Variants in NEGR1 observed in about 807,000 individuals in gnomAD.
NEGR1 encodes IgLON family member 4.
In NEGR1, 10 loss-of-function variants were observed where a neutral mutation model predicts 40.9. That is an observed-to-expected ratio of 0.24 (90% CI 0.15 to 0.42). The LOEUF is 0.42. Ranked by LOEUF, NEGR1 falls within the 10% of genes least tolerant of loss-of-function variation. NEGR1 has a pLI of 1.00. For synonymous variants in NEGR1, 185 were observed against 166.8 expected (o/e 1.11, Z -0.84); for missense variants, 352 against 438.9 (o/e 0.80, Z 1.77).
chr1:72,036,955 A>T (rs755059895), intron 1 of NEGR1, among the ~76,000 whole-genome samples: 6 of 152,120 alleles, frequency 3.9e-5, no homozygotes, highest in Admixed American at 1.3e-4. Flanking sequence ...AAAATGGATG[A>T]TGTAAATCCT....
chr1:71,976,797 T>C (rs1464297721), intron 1 of NEGR1, among the ~76,000 whole-genome samples: 1 of 152,204 alleles, frequency 6.6e-6, no homozygotes, highest in Non-Finnish European at 1.5e-5. Context: ...ATAGATATGT[T>C]TTGAGTGAAA....
At chr1:71,913,744 A>G (rs1661488693) in intron 2 of NEGR1, among the ~76,000 whole-genome samples, 1 of 152,134 alleles carries the variant, frequency 6.6e-6, no homozygotes, top group Admixed American at 6.6e-5. Context: ...GATGGCACAT[A>G]GACACAAAAG....
chr1:72,188,494 A>G (rs17092435), intron 1 of NEGR1, among the ~76,000 whole-genome samples: 2,564 of 151,578 alleles, frequency 0.017, 85 homozygotes, highest in African/African-American at 0.059. Flanking sequence ...TACTTTTAAA[A>G]ATGTGTTTTC....
chr1:71,655,328 T>C (rs1485972276), intron 4 of NEGR1, among the ~76,000 whole-genome samples: 3 of 152,192 alleles, frequency 2.0e-5, no homozygotes, highest in Non-Finnish European at 4.4e-5. Flanking sequence ...TCAAACCACA[T>C]GTATGAAATA....
intron 6 of NEGR1, among the ~76,000 whole-genome samples, chr1:71,591,582 T>C (rs1375031480): frequency 1.3e-5 from 2 of 152,152 alleles, no homozygotes; most frequent in Admixed American, 6.6e-5. Context: ...CACTGCTTTA[T>C]AATATTTTCA....
chr1:71,770,483 A>C (rs1227549058), intron 3 of NEGR1, among the ~76,000 whole-genome samples: 2 of 152,232 alleles, frequency 1.3e-5, no homozygotes, highest in African/African-American at 4.8e-5. Flanking sequence ...ACATTTTTAA[A>C]GCAAAATGTA....
At chr1:71,843,291 A>G (rs1476461671) in intron 2 of NEGR1, among the ~76,000 whole-genome samples, 2 of 152,148 alleles carry the variant, frequency 1.3e-5, no homozygotes, top group Non-Finnish European at 2.9e-5. Flanking sequence ...AGATAAATAG[A>G]CTTAGCTATG....
intron 2 of NEGR1, among the ~76,000 whole-genome samples, chr1:71,809,970 T>C (rs988120331): frequency 1.3e-5 from 2 of 152,110 alleles, no homozygotes; most frequent in African/African-American, 4.8e-5. Flanking sequence ...ATGGTAATTG[T>C]CTCTTAAAAG....
chr1:71,880,920 T>C (rs1050282445), intron 2 of NEGR1, among the ~76,000 whole-genome samples: 1 of 152,212 alleles, frequency 6.6e-6, no homozygotes, highest in African/African-American at 2.4e-5. Flanking sequence ...AATTTGGCTT[T>C]TTGAAGTTTC....
chr1:71,417,190 C>A (rs1461411411), intron 6 of NEGR1, among the ~76,000 whole-genome samples: 1 of 152,178 alleles, frequency 6.6e-6, no homozygotes. Flanking sequence ...CTCTCATGTG[C>A]ATCTTCTTCT....
chr1:71,693,784 G>A (rs964048104), intron 4 of NEGR1, among the ~76,000 whole-genome samples: 2 of 151,474 alleles, frequency 1.3e-5, no homozygotes, highest in African/African-American at 4.8e-5. Flanking sequence ...AGAACAGATG[G>A]CCTCTGTCAC....
chr1:71,580,424 T>C (rs992908905), intron 6 of NEGR1, among the ~76,000 whole-genome samples: 7 of 151,978 alleles, frequency 4.6e-5, no homozygotes, highest in African/African-American at 1.7e-4. Context: ...ATCCTGCACA[T>C]TGTGCACATG....
intron 3 of NEGR1, among the ~76,000 whole-genome samples, chr1:71,722,678 G>C (rs184624762): frequency 6.6e-6 from 1 of 152,042 alleles, no homozygotes; most frequent in African/African-American, 2.4e-5. Context: ...CAAAATATAG[G>C]AACTATTGTG....
chr1:72,233,375 G>A (rs1228827802), intron 1 of NEGR1, among the ~76,000 whole-genome samples: 2 of 152,000 alleles, frequency 1.3e-5, no homozygotes, highest in African/African-American at 4.8e-5. Context: ...TGAGGTTTTG[G>A]GTGTGAATGA....
intron 1 of NEGR1, among the ~76,000 whole-genome samples, chr1:71,999,489 G>A (rs1207538012): frequency 6.6e-6 from 1 of 150,748 alleles, no homozygotes. Context: ...ATGGATCTAT[G>A]CATCAGAACT....
At chr1:72,068,213 C>T (rs1039325608) in intron 1 of NEGR1, among the ~76,000 whole-genome samples, 3 of 152,138 alleles carry the variant, frequency 2.0e-5, no homozygotes, top group African/African-American at 4.8e-5. Context: ...TATTCAATCA[C>T]AGGTGGAACC....
At chr1:72,245,622 G>C (rs1654877990) in intron 1 of NEGR1, among the ~76,000 whole-genome samples, 1 of 151,994 alleles carries the variant, frequency 6.6e-6, no homozygotes, top group Non-Finnish European at 1.5e-5. Context: ...TTGGCTGTAA[G>C]AAAATAAAAA....
At chr1:72,102,180 AAAG>A (rs1648973481) in intron 1 of NEGR1, among the ~76,000 whole-genome samples, 1 of 152,120 alleles carries the variant, frequency 6.6e-6, no homozygotes, top group Admixed American at 6.6e-5. Flanking sequence ...TAGATTTAGG[AAAG>A]AAGTATACTT....
chr1:71,431,856 C>A (rs1646471640), intron 6 of NEGR1, among the ~76,000 whole-genome samples: 1 of 152,046 alleles, frequency 6.6e-6, no homozygotes, highest in Non-Finnish European at 1.5e-5. Context: ...TAAAGTAATT[C>A]TTTGCATAGA....
Sources: allele counts gnomAD v4.1 joint callset (sites outside exome capture counted in the v4.1 genomes callset), GRCh38; gene constraint gnomAD v4.1.1; transcripts MANE v1.5; gene names NCBI Gene and HGNC (gene_info 2026-07-23, HGNC 2026-07-21).